The following WWOX variants were observed in gnomAD, a reference collection of about 807,000 sequenced individuals.
The protein encoded by WWOX is WW domain containing oxidoreductase, also known as WW domain-containing oxidoreductase.
WWOX carries 69 observed loss-of-function variants against 46.2 expected under a neutral mutation model. The ratio of observed to expected loss-of-function variants is 1.49; its 90% CI spans 1.23 to 1.82. The LOEUF (loss-of-function observed/expected upper bound fraction) is 1.82. Among genes scored for constraint, WWOX ranks in the 40% most tolerant of loss-of-function variants. The pLI is 0.00. For missense variants in WWOX, 919 were observed against 542.6 expected, an observed-to-expected ratio of 1.69 and a Z score of -6.89; for synonymous variants, 359 against 202.6, an observed-to-expected ratio of 1.77 and a Z score of -6.56.
intron 8 of WWOX, among the ~76,000 whole-genome samples, chr16:78,818,209 C>T (rs1007263486): frequency 2.6e-5 from 4 of 152,202 alleles, no homozygotes; most frequent in Admixed American, 6.5e-5. Context: ...CCTGGAAAGG[C>T]TAATGGCTGA....
chr16:78,684,369 T>C (rs887610407), intron 8 of WWOX, among the ~76,000 whole-genome samples: 6 of 152,210 alleles, frequency 3.9e-5, no homozygotes, highest in African/African-American at 1.4e-4. Context: ...ATGAGGGTTT[T>C]CCTTAGCAGG....
At chr16:79,042,133 G>T (rs1399093792) in intron 8 of WWOX, among the ~76,000 whole-genome samples, 1 of 152,122 alleles carries the variant, frequency 6.6e-6, no homozygotes, top group Non-Finnish European at 1.5e-5. Flanking sequence ...ACGTTCCCCC[G>T]CCTGTCTCTG....
At chr16:78,858,020 C>T (rs1157121784) in intron 8 of WWOX, among the ~76,000 whole-genome samples, 1 of 151,998 alleles carries the variant, frequency 6.6e-6, no homozygotes, top group Non-Finnish European at 1.5e-5. Flanking sequence ...CTATTACATT[C>T]TAAATTGATA....
Position 79,091,176 on chromosome 16 carries a change from T to G in WWOX, c.1057-120432T>G, listed in dbSNP as rs1466582145. Among the ~76,000 whole-genome samples the G allele has an allele frequency of 2.0e-5, 3 of 152,164 alleles. No individual in the cohort carries two copies. In the East Asian group the frequency reaches 5.8e-4, roughly 29 times the overall value. On this transcript the variant is annotated intron_variant, in intron 8 of 8. Transcript: ENST00000566780. ...CCAGTGACCAGCCACCATAACCACA[T>G]CCTTCCCCCAGACTTTTTCCTCTTC... is the stretch of plus-strand genomic sequence containing the variant.
chr16:78,186,291 C>G (rs2035702149), intron 5 of WWOX, among the ~76,000 whole-genome samples: 1 of 149,980 alleles, frequency 6.7e-6, no homozygotes, highest in Admixed American at 6.6e-5. Context: ...ATGTAGGTGA[C>G]CCTTTATTTT....
chr16:78,128,405 G>A (rs1305512695), intron 4 of WWOX, among the ~76,000 whole-genome samples: 2 of 152,154 alleles, frequency 1.3e-5, no homozygotes, highest in South Asian at 4.1e-4. Context: ...AATAAGAAGG[G>A]AACCTGCAGA....
chr16:79,000,102 C>G (rs999998427), intron 8 of WWOX, among the ~76,000 whole-genome samples: 1 of 152,190 alleles, frequency 6.6e-6, no homozygotes, highest in Non-Finnish European at 1.5e-5. Context: ...TGTGTCTGAG[C>G]AGGCTTCCCA....
chr16:79,082,937 A>T (rs1453276433), intron 8 of WWOX, among the ~76,000 whole-genome samples: 1 of 152,168 alleles, frequency 6.6e-6, no homozygotes, highest in Non-Finnish European at 1.5e-5. Flanking sequence ...GGGATACTAG[A>T]AGATAACCCT....
chr16:78,807,607 C>G (rs1004389366), intron 8 of WWOX, among the ~76,000 whole-genome samples: 1 of 152,198 alleles, frequency 6.6e-6, no homozygotes, highest in African/African-American at 2.4e-5. Context: ...CAGTCAATTT[C>G]ATCTAGGAGC....
chr16:78,696,656 CTTTAATTTT>C (rs1364620379), intron 8 of WWOX, among the ~76,000 whole-genome samples: 1 of 151,838 alleles, frequency 6.6e-6, no homozygotes, highest in African/African-American at 2.4e-5. Flanking sequence ...TTTATATTTT[CTTTAATTTT>C]TTTAAATTTC....
chr16:78,179,601 G>A (rs1567615024), intron 5 of WWOX: 1 of 152,176 alleles, frequency 6.6e-6, no homozygotes, highest in Non-Finnish European at 1.5e-5. Flanking sequence ...AATAATAACA[G>A]TAGTAGCTAG....
intron 8 of WWOX, chr16:79,204,037 T>A (rs113089626): frequency 2.6e-5 from 4 of 152,288 alleles, no homozygotes; most frequent in African/African-American, 9.6e-5. Flanking sequence ...ATCAGATTTG[T>A]TCCATGTAGA....
At chr16:78,752,388 A>G (rs1402457968) in intron 8 of WWOX, among the ~76,000 whole-genome samples, 2 of 152,156 alleles carry the variant, frequency 1.3e-5, no homozygotes, top group Non-Finnish European at 1.5e-5. Context: ...CCTGGGTTCA[A>G]GCGATTCTTC....
At chr16:78,612,610 T>C (rs1389124847) in intron 8 of WWOX, among the ~76,000 whole-genome samples, 2 of 152,302 alleles carry the variant, frequency 1.3e-5, no homozygotes, top group South Asian at 2.1e-4. Flanking sequence ...CAAGTAGGAC[T>C]ACAGTTGTGC....
chr16:78,587,337 T>A (rs2045234811), intron 8 of WWOX, among the ~76,000 whole-genome samples: 1 of 151,934 alleles, frequency 6.6e-6, no homozygotes, highest in Non-Finnish European at 1.5e-5. Flanking sequence ...GAGGCCCAGT[T>A]AGTATTCTTT....
At position 78,734,425 on chromosome 16, in the gene WWOX, G is replaced by T. The variant is rs1417866091; in HGVS notation, c.1056+301673G>T. On this transcript the variant is annotated intron_variant, in intron 8 of 8. Coordinates refer to ENST00000566780, the MANE Select transcript of WWOX (RefSeq NM_016373.4). The stretch of plus-strand genomic sequence containing the variant: ...CCTAATTGGAATATAGTAAATGTTT[G>T]TTGCATGAATCAACCTATTTAACCT... 2.0e-5 allele frequency among the ~76,000 whole-genome samples: 3 copies of T among 152,132 alleles called. No homozygotes were observed. The East Asian group carries it at 5.8e-4, about 29-fold the overall frequency.
chr16:78,430,359 A>G (rs1047668351), intron 7 of WWOX, among the ~76,000 whole-genome samples: 1 of 152,120 alleles, frequency 6.6e-6, no homozygotes, highest in African/African-American at 2.4e-5. Context: ...GTCACCCTCC[A>G]AAAATCACAC....
intron 8 of WWOX, among the ~76,000 whole-genome samples, chr16:78,950,105 C>T (rs980244069): frequency 2.0e-5 from 3 of 152,132 alleles, no homozygotes; most frequent in Non-Finnish European, 4.4e-5. Flanking sequence ...CTATGATATA[C>T]TGCACATGTT....
chr16:78,657,215 C>G (rs1361674439), intron 8 of WWOX, among the ~76,000 whole-genome samples: 1 of 152,078 alleles, frequency 6.6e-6, no homozygotes, highest in African/African-American at 2.4e-5. Context: ...GTCATCATCT[C>G]CACCATCACC....
Sources: allele counts gnomAD v4.1 joint callset (sites outside exome capture counted in the v4.1 genomes callset), GRCh38; gene constraint gnomAD v4.1.1; transcripts MANE v1.5; gene names NCBI Gene and HGNC (gene_info 2026-07-23, HGNC 2026-07-21).